Variants in RGS10 observed in about 807,000 individuals in gnomAD.
RGS10 encodes the protein regulator of G protein signaling 10, also known as regulator of G-protein signalling 10.
A neutral mutation model predicts 23.5 loss-of-function variants in RGS10; 11 were observed. That is an observed-to-expected ratio of 0.47 (90% CI 0.29 to 0.77). The LOEUF is 0.77. RGS10 is among the 30% of genes least tolerant of loss of function. RGS10 has a pLI of 0.08. For synonymous variants in RGS10, 77 were observed against 83.2 expected, an observed-to-expected ratio of 0.92 and a Z score of 0.41; for missense variants, 180 against 226.3, an observed-to-expected ratio of 0.80 and a Z score of 1.31.
intron 2 of RGS10, among the ~76,000 whole-genome samples, chr10:119,526,652 G>C (rs1844276100): frequency 6.6e-6 from 1 of 152,170 alleles, no homozygotes; most frequent in East Asian, 1.9e-4. Flanking sequence ...CAGTGGCCTG[G>C]CGACCAGGAA....
rs1410377143 is a variant in RGS10 at position 119,524,754 on chromosome 10, C to T, written c.255+1278G>A. Among the ~76,000 whole-genome samples, 4 of 152,160 alleles carry T rather than the reference C, an allele frequency of 2.6e-5. No individual in the cohort carries two copies. The highest frequency in any genetic ancestry group is 4.4e-5 in the Non-Finnish European group (3 of 68,028). On this transcript the variant is annotated intron_variant, in intron 3 of 4. Coordinates refer to ENST00000369103, the MANE Select transcript of RGS10 (RefSeq NM_001005339.2). The surrounding 1 kb of genome is among the most constrained non-coding windows in gnomAD (Gnocchi z 5.2). ...GCCAGAAAGCAAAATCCAAGGGTCC[C>T]GCCCAGTAACAGCTTTCGAGGTGGG...
intron 1 of RGS10, among the ~76,000 whole-genome samples, chr10:119,531,681 A>G (rs1589841864): frequency 6.6e-6 from 1 of 152,192 alleles, no homozygotes; most frequent in Non-Finnish European, 1.5e-5. Flanking sequence ...AATCCAGAAG[A>G]TAGAATGACC....
Position 119,523,775 on chromosome 10 carries a change from C to T in RGS10, c.255+2257G>A, listed in dbSNP as rs1347381518. 3.3e-5 allele frequency among the ~76,000 whole-genome samples: 5 copies of T among 152,196 alleles called. No homozygotes were observed. In the East Asian group the frequency reaches 9.6e-4, roughly 29 times the overall value. On this transcript the variant is annotated intron_variant, in intron 3 of 4. Transcript: ENST00000369103. The stretch of plus-strand genomic sequence containing the variant: ...GTGGACAGGGCAGGGCAACCCAACA[C>T]CAGACCTGCCTGACCTGAAAGGCTG...
At position 119,527,577 on chromosome 10, in the gene RGS10, C is replaced by T; in HGVS notation, c.50-153G>A. ...TTCTAGGTGCTTAACATGATGGACTCATTCTTGTCACACAACCCTGTAAGG... is the reference window on the plus strand; with the variant it reads ...TTCTAGGTGCTTAACATGATGGACTTATTCTTGTCACACAACCCTGTAAGG... On this transcript the variant is annotated intron_variant, in intron 1 of 4. Coordinates refer to ENST00000369103, the MANE Select transcript of RGS10 (RefSeq NM_001005339.2). The surrounding 1 kb of genome is among the most constrained non-coding windows in gnomAD (Gnocchi z 4.2). 4.7e-6 allele frequency: 3 copies of T among 641,924 alleles called. No homozygotes were observed. Among genetic ancestry groups the T allele is most frequent in the Non-Finnish European group, 8.4e-6 (3 of 357,946 alleles). 39.8% of individuals were successfully genotyped at this position (641,924 alleles called of 1,614,324 possible).
At chr10:119,515,468 T>C in intron 4 of RGS10, 41 bp downstream of exon 4, 2 of 1,612,004 alleles carry the variant, frequency 1.2e-6, no homozygotes, top group Non-Finnish European at 1.7e-6. Context: ...GGAATTAATG[T>C]AGGTTTTCAA....
intron 1 of RGS10, 110 bp downstream of exon 1, chr10:119,542,480 A>T: frequency 2.1e-6 from 2 of 953,946 alleles, no homozygotes; most frequent in Non-Finnish European, 2.8e-6. Flanking sequence ...CCGGGGCTCC[A>T]GTCTGGGAGG....
At chr10:119,533,978 G>C (rs1186188279) in intron 1 of RGS10, among the ~76,000 whole-genome samples, 2 of 152,162 alleles carry the variant, frequency 1.3e-5, no homozygotes, top group Non-Finnish European at 2.9e-5. Flanking sequence ...AGATGGGCCA[G>C]GCATGGTGGC....
At chr10:119,505,809 A>G (rs552516203) in intron 4 of RGS10, among the ~76,000 whole-genome samples, 1 of 152,300 alleles carries the variant, frequency 6.6e-6, no homozygotes, top group South Asian at 2.1e-4. Context: ...ATATTTTAAC[A>G]CTTCTCAGAA....
chr10:119,505,252 A>G (rs75095381), intron 4 of RGS10, among the ~76,000 whole-genome samples: 7,142 of 150,424 alleles, frequency 0.047, 287 homozygotes, highest in East Asian at 0.21. Flanking sequence ...AGCTGAGGCC[A>G]CCATCCGTCC....
In RGS10 at chr10:119,524,954, G is replaced by A. The variant is rs1038618247; in HGVS notation, c.255+1078C>T. The stretch of plus-strand genomic sequence containing the variant: ...ATTTTCCAAGCAGTTGTCTGCAAAC[G>A]CTTCACGGCTTCTGGCCCATAGATT... On this transcript the variant is annotated intron_variant, in intron 3 of 4. Coordinates refer to ENST00000369103, the MANE Select transcript of RGS10 (RefSeq NM_001005339.2). The surrounding 1 kb of genome is among the most constrained non-coding windows in gnomAD (Gnocchi z 5.2). Among the ~76,000 whole-genome samples the A allele has an allele frequency of 3.3e-5, 5 of 152,128 alleles. No individual in the cohort carries two copies. Among genetic ancestry groups the A allele is most frequent in the Non-Finnish European group, 5.9e-5 (4 of 68,050 alleles).
chr10:119,535,374 T>C (rs980537373), intron 1 of RGS10, among the ~76,000 whole-genome samples: 2 of 152,192 alleles, frequency 1.3e-5, no homozygotes, highest in Admixed American at 1.3e-4. Context: ...CCTATGTGGC[T>C]TCTGGCGTCA....
At chr10:119,528,813 G>A (rs922931570) in intron 1 of RGS10, among the ~76,000 whole-genome samples, 14 of 150,842 alleles carry the variant, frequency 9.3e-5, no homozygotes, top group African/African-American at 3.2e-4. Flanking sequence ...CAGCCTGGGC[G>A]ACAGAGCAAG....
chr10:119,534,119 G>A (rs1844359114), intron 1 of RGS10, among the ~76,000 whole-genome samples: 1 of 151,862 alleles, frequency 6.6e-6, no homozygotes, highest in Admixed American at 6.6e-5. Context: ...GCCGGGTATG[G>A]TGGTGCACTC....
At chr10:119,511,719 C>G (rs1844078066) in intron 4 of RGS10, among the ~76,000 whole-genome samples, 1 of 152,110 alleles carries the variant, frequency 6.6e-6, no homozygotes, top group East Asian at 1.9e-4. Flanking sequence ...TTGGGGTCAC[C>G]AGGCTCACTT....
chr10:119,503,461 CAGTA>C (rs1589832022), intron 4 of RGS10, among the ~76,000 whole-genome samples: 1 of 152,124 alleles, frequency 6.6e-6, no homozygotes, highest in Non-Finnish European at 1.5e-5. Flanking sequence ...GACTGGGGCC[CAGTA>C]AGTGTTTACC....
intron 1 of RGS10, among the ~76,000 whole-genome samples, chr10:119,528,383 T>A (rs1011660676): frequency 2.0e-5 from 3 of 152,176 alleles, no homozygotes; most frequent in African/African-American, 7.2e-5. Context: ...AAATCCATGA[T>A]GAACAAAATA....
At chr10:119,514,958 C>T (rs1486722480) in intron 4 of RGS10, among the ~76,000 whole-genome samples, 1 of 152,156 alleles carries the variant, frequency 6.6e-6, no homozygotes, top group East Asian at 1.9e-4. Flanking sequence ...GGAGGCCCTC[C>T]GCAAGTCTCC....
intron 3 of RGS10, among the ~76,000 whole-genome samples, chr10:119,520,557 G>A (rs541778140): frequency 4.6e-5 from 7 of 152,204 alleles, no homozygotes; most frequent in Admixed American, 2.6e-4. Flanking sequence ...GGGAGGCTCC[G>A]GAACAGAGAG....
At position 119,515,734 on chromosome 10, in the gene RGS10, C is replaced by T. The variant is rs1303052430; in HGVS notation, c.256-82G>A. On this transcript the variant is annotated intron_variant, in intron 3 of 4. Transcript: ENST00000369103. ...GCCCTGCTCTCCCCTCCAGCCAGGC[C>T]CACAGGAGCTGCTGTGGCAAGAGAA... 11 of 1,545,782 alleles carry T rather than the reference C, an allele frequency of 7.1e-6. No individual in the cohort carries two copies. The Middle Eastern group carries it at 9.0e-4, about 126-fold the overall frequency.
Sources: gnomAD v4.1 joint callset for allele counts (sites outside exome capture counted in the v4.1 genomes callset) on GRCh38, gnomAD v4.1.1 for gene constraint, Gnocchi (gnomAD v3.1) non-coding constraint, MANE v1.5 for transcripts, NCBI Gene and HGNC (gene_info 2026-07-23, HGNC 2026-07-21) for gene names.